The following UGT1A9 variants were observed in gnomAD, a reference collection of about 807,000 sequenced individuals.
The protein encoded by UGT1A9 is UDP-glucuronosyltransferase 1A9.
Under a neutral mutation model 45.0 loss-of-function variants are expected in UGT1A9, and 35 were observed. The observed-to-expected ratio is 0.78, with a 90% CI of 0.59 to 1.03. The LOEUF is 1.03. UGT1A9 is among the 50% of genes least tolerant of loss of function. UGT1A9 has a pLI of 0.00. For missense variants in UGT1A9, 687 were observed against 666.6 expected (o/e 1.03, Z -0.34); for synonymous variants, 278 against 250.6 (o/e 1.11, Z -1.03).
intron 1 of UGT1A9, among the ~76,000 whole-genome samples, chr2:233,762,455 C>T (rs960271633): frequency 3.9e-5 from 6 of 152,100 alleles, no homozygotes; most frequent in Admixed American, 6.5e-5. Flanking sequence ...GCCCACTTAC[C>T]GATAATGTCA....
At chr2:233,768,584 T>C (rs1699663282) in intron 4 of UGT1A9, 145 bp downstream of exon 4, 3 of 86,896 alleles carry the variant, frequency 3.5e-5, no homozygotes, top group Non-Finnish European at 4.3e-5. Flanking sequence ...TATTTCTTCT[T>C]TTTTTTTTTT....
At position 233,681,890 on chromosome 2, in the gene UGT1A9, T is replaced by G. The variant is rs1245402315; in HGVS notation, c.855+9101T>G. Reference sequence around the variant, plus strand: ...TCTGTACTTCTTCCACTTACTATATTATAGGAGCTTAGAATCCCAGCTGCT... The same window carrying G: ...TCTGTACTTCTTCCACTTACTATATGATAGGAGCTTAGAATCCCAGCTGCT... On this transcript the variant is annotated intron_variant, in intron 1 of 4. Transcript: ENST00000354728. The G allele has an allele frequency of 1.9e-6, 3 of 1,584,922 alleles. No individual in the cohort carries two copies. The African/African-American group carries it at 4.1e-5, about 21-fold the overall frequency.
intron 1 of UGT1A9, among the ~76,000 whole-genome samples, chr2:233,744,685 T>C (rs1692890031): frequency 6.6e-6 from 1 of 151,898 alleles, no homozygotes; most frequent in Non-Finnish European, 1.5e-5. Flanking sequence ...CCCATGTAGC[T>C]TCTGGAAAAC....
At chr2:233,747,385 C>G in intron 1 of UGT1A9, 2 of 1,604,764 alleles carry the variant, frequency 1.2e-6, no homozygotes, top group East Asian at 4.5e-5. Flanking sequence ...GGCCACCAGG[C>G]GGTGGTCCTC....
intron 1 of UGT1A9, among the ~76,000 whole-genome samples, chr2:233,751,881 A>G (rs553534557): frequency 1.3e-5 from 2 of 152,290 alleles, no homozygotes; most frequent in African/African-American, 4.8e-5. Context: ...CGTCTTGGGT[A>G]TGTCTTTATA....
At chr2:233,743,755 C>T in intron 1 of UGT1A9, 1 of 1,367,374 alleles carries the variant, frequency 7.3e-7, no homozygotes, top group Non-Finnish European at 9.8e-7. Context: ...CCGACAACAC[C>T]TCGTAGGCCT....
At chr2:233,723,204 CA>C (rs978945300) in intron 1 of UGT1A9, among the ~76,000 whole-genome samples, 1 of 125,334 alleles carries the variant, frequency 8.0e-6, no homozygotes, top group African/African-American at 3.4e-5. Context: ...TAAAAAAAGT[CA>C]AAACTGACTT....
chr2:233,725,867 A>C (rs2077480868), intron 1 of UGT1A9, among the ~76,000 whole-genome samples: 1 of 152,102 alleles, frequency 6.6e-6, no homozygotes, highest in Admixed American at 6.5e-5. Context: ...CATCTCTTTT[A>C]ATTTGAAAAT....
rs367562116 is a variant in UGT1A9, at chr2:233,765,371, G to A, written c.856-1663G>A. On this transcript the variant is annotated intron_variant, in intron 1 of 4. Coordinates refer to ENST00000354728, the MANE Select transcript of UGT1A9 (RefSeq NM_021027.3). Reference sequence around the variant, plus strand: ...GGAACCAACCCAGATGCCCATCAATGGTAGATTGGATAAAGAAAATGTGGT... The same window carrying A: ...GGAACCAACCCAGATGCCCATCAATAGTAGATTGGATAAAGAAAATGTGGT... Among the ~76,000 whole-genome samples, 7 of 152,230 alleles carry A rather than the reference G, an allele frequency of 4.6e-5. No homozygotes were observed. In the South Asian group the frequency reaches 1.0e-3, roughly 23 times the overall value.
intron 1 of UGT1A9, chr2:233,713,759 G>T: frequency 6.2e-7 from 1 of 1,613,990 alleles, no homozygotes; most frequent in South Asian, 1.1e-5. Flanking sequence ...CTGTGTGGCT[G>T]TTCCGAGGGG....
intron 1 of UGT1A9, among the ~76,000 whole-genome samples, chr2:233,714,749 T>G (rs1318708109): frequency 6.6e-6 from 1 of 152,248 alleles, no homozygotes. Flanking sequence ...AGCATATATT[T>G]GACACTTACA....
chr2:233,761,060 G>A, intron 1 of UGT1A9: 1 of 1,614,212 alleles, frequency 6.2e-7, no homozygotes, highest in Non-Finnish European at 8.5e-7. Flanking sequence ...CTGTTTAGAA[G>A]TGACTTTGTG....
At chr2:233,744,478 A>C (rs921058584) in intron 1 of UGT1A9, among the ~76,000 whole-genome samples, 8 of 152,046 alleles carry the variant, frequency 5.3e-5, no homozygotes, top group South Asian at 2.1e-4. Context: ...AAGACATATT[A>C]ATTGGGCAAT....
chr2:233,718,833 C>T, intron 1 of UGT1A9: 2 of 1,613,592 alleles, frequency 1.2e-6, no homozygotes, highest in Non-Finnish European at 8.5e-7. Context: ...GGCCAGAGGA[C>T]TCCAGGTTCC....
intron 1 of UGT1A9, chr2:233,739,100 G>A (rs1263190228): frequency 1.3e-5 from 2 of 152,274 alleles, no homozygotes; most frequent in African/African-American, 4.8e-5. Flanking sequence ...TCGATGTGGT[G>A]TTGGGCCTGC....
intron 1 of UGT1A9, chr2:233,682,604 T>A (rs534450007): frequency 1.2e-6 from 2 of 1,613,930 alleles, no homozygotes; most frequent in Non-Finnish European, 1.7e-6. Flanking sequence ...TTGCCCCTAT[T>A]TTTTCAAAAA....
intron 1 of UGT1A9, among the ~76,000 whole-genome samples, chr2:233,704,262 T>A (rs1431021256): frequency 1.3e-5 from 2 of 151,410 alleles, no homozygotes; most frequent in African/African-American, 4.9e-5. Flanking sequence ...ATTGCTTTTT[T>A]TTTTTTTTTG....
intron 1 of UGT1A9, among the ~76,000 whole-genome samples, chr2:233,746,337 C>A (rs1693368199): frequency 6.6e-6 from 1 of 151,668 alleles, no homozygotes; most frequent in Admixed American, 6.6e-5. Context: ...GGGCAATGGA[C>A]ATGTTTATGT....
At chr2:233,748,415 T>A (rs1693936731) in intron 1 of UGT1A9, among the ~76,000 whole-genome samples, 1 of 151,852 alleles carries the variant, frequency 6.6e-6, no homozygotes, top group Non-Finnish European at 1.5e-5. Context: ...ACATTGAGAC[T>A]TGACCCATCT....
Sources: allele counts gnomAD v4.1 joint callset (sites outside exome capture counted in the v4.1 genomes callset), GRCh38; gene constraint gnomAD v4.1.1; transcripts MANE v1.5; gene names NCBI Gene and HGNC (gene_info 2026-07-23, HGNC 2026-07-21).